SIPA1L1: variants seen among roughly 807,000 people sequenced by gnomAD.
SIPA1L1 encodes the protein signal induced proliferation associated 1 like 1.
In SIPA1L1, 26 loss-of-function variants were observed where a neutral mutation model predicts 162.7. The ratio of observed to expected loss-of-function variants is 0.16; its 90% confidence interval spans 0.12 to 0.22. SIPA1L1 has a LOEUF of 0.22. Among genes scored for constraint, SIPA1L1 ranks in the 10% least tolerant of loss-of-function variants. The probability of loss-of-function intolerance (pLI) is 1.00; values close to 1 mark genes in which losing one functional copy is unlikely to be tolerated. For synonymous variants in SIPA1L1, 829 were observed against 837.4 expected (o/e 0.99, Z 0.17); for missense variants, 1,874 against 2,241.0 (o/e 0.84, Z 3.31).
chr14:71,407,773 C>T (rs2042129100), intron 2 of SIPA1L1, among the ~76,000 whole-genome samples: 1 of 152,090 alleles, frequency 6.6e-6, no homozygotes, highest in Admixed American at 6.6e-5. Context: ...TATACTGTAG[C>T]ATTTTCTTTG....
chr14:71,669,999 C>T (rs1179346630), intron 10 of SIPA1L1, among the ~76,000 whole-genome samples: 1 of 152,140 alleles, frequency 6.6e-6, no homozygotes, highest in African/African-American at 2.4e-5. Context: ...TTGAAAGATG[C>T]ATACTCTCTG....
chr14:71,590,034 A>AT (rs2035104261), intron 5 of SIPA1L1, among the ~76,000 whole-genome samples: 9 of 72,694 alleles, frequency 1.2e-4, no homozygotes, highest in Admixed American at 1.5e-4. Flanking sequence ...AAAAAAAAAA[A>AT]AAAAAAAAAA....
At chr14:71,716,661 G>T (rs1041672961) in intron 17 of SIPA1L1, among the ~76,000 whole-genome samples, 1 of 152,210 alleles carries the variant, frequency 6.6e-6, no homozygotes, top group Non-Finnish European at 1.5e-5. Context: ...TCCCAATCCT[G>T]TGTGGCTCAT....
intron 2 of SIPA1L1, among the ~76,000 whole-genome samples, chr14:71,448,232 G>C (rs776596864): frequency 2.0e-5 from 3 of 151,948 alleles, no homozygotes; most frequent in Non-Finnish European, 4.4e-5. Flanking sequence ...TCGCTTTCTT[G>C]GTTGTCTTTC....
chr14:71,671,839 A>G, intron 11 of SIPA1L1, 147 bp downstream of exon 11: 1 of 630,098 alleles, frequency 1.6e-6, no homozygotes, highest in Non-Finnish European at 2.7e-6. Context: ...AGTTTATCTC[A>G]TGCTTGTGTT....
At chr14:71,617,238 C>G (rs1567321464) in intron 5 of SIPA1L1, among the ~76,000 whole-genome samples, 1 of 152,178 alleles carries the variant, frequency 6.6e-6, no homozygotes, top group Non-Finnish European at 1.5e-5. Flanking sequence ...GCATGCAAGT[C>G]TGTATCAGCC....
intron 2 of SIPA1L1, among the ~76,000 whole-genome samples, chr14:71,510,399 G>A (rs1408729735): frequency 6.6e-6 from 1 of 151,934 alleles, no homozygotes; most frequent in Non-Finnish European, 1.5e-5. Context: ...TGTTGGCTGG[G>A]CTGGTCTCAA....
At chr14:71,633,881 G>C (rs2040847121) in intron 7 of SIPA1L1, among the ~76,000 whole-genome samples, 2 of 152,122 alleles carry the variant, frequency 1.3e-5, no homozygotes, top group African/African-American at 2.4e-5. Flanking sequence ...GGAAGAAGAG[G>C]AGAAAGATGG....
chr14:71,469,495 T>TA (rs201503142), intron 2 of SIPA1L1, among the ~76,000 whole-genome samples: 49 of 151,108 alleles, frequency 3.2e-4, no homozygotes, highest in South Asian at 1.7e-3. Flanking sequence ...GTGCAAAAAA[T>TA]AAAAAAAAAT....
intron 2 of SIPA1L1, among the ~76,000 whole-genome samples, chr14:71,499,800 G>A (rs2143446056): frequency 6.6e-6 from 1 of 152,170 alleles, no homozygotes; most frequent in South Asian, 2.1e-4. Context: ...TGATATTAAA[G>A]CAAAACCTGT....
At chr14:71,548,146 A>G (rs1256358013) in intron 4 of SIPA1L1, among the ~76,000 whole-genome samples, 1 of 152,244 alleles carries the variant, frequency 6.6e-6, no homozygotes. Flanking sequence ...TTTCATTGGA[A>G]TGAAGGTGAA....
At chr14:71,456,678 G>A (rs2046212122) in intron 2 of SIPA1L1, among the ~76,000 whole-genome samples, 1 of 152,156 alleles carries the variant, frequency 6.6e-6, no homozygotes, top group Non-Finnish European at 1.5e-5. Flanking sequence ...TCTAAAGTGT[G>A]TTATATATTA....
intron 2 of SIPA1L1, among the ~76,000 whole-genome samples, chr14:71,379,962 A>G (rs2039756884): frequency 6.6e-6 from 1 of 152,312 alleles, no homozygotes; most frequent in Non-Finnish European, 1.5e-5. Context: ...TATTATTGCC[A>G]TATTCTTTCA....
At chr14:71,726,461 T>C (rs1171012335) in intron 19 of SIPA1L1, among the ~76,000 whole-genome samples, 4 of 152,234 alleles carry the variant, frequency 2.6e-5, no homozygotes, top group Non-Finnish European at 5.9e-5. Flanking sequence ...ACTCCTAGTT[T>C]AACATTTTTG....
Position 71,685,343 on chromosome 14 carries a change from T to C in SIPA1L1, c.3105-19T>C. 6.2e-7 allele frequency: 1 copy of C among 1,612,568 alleles called. No homozygotes were observed. The highest frequency in any genetic ancestry group is 1.1e-5 in the South Asian group (1 of 90,916). ...AAGCAGTATCCATTGTGTTTCTCCCTGTGCCTTGCCCCTAATAGGAGTTGC... is the reference window on the plus strand; with the variant it reads ...AAGCAGTATCCATTGTGTTTCTCCCCGTGCCTTGCCCCTAATAGGAGTTGC... On this transcript the variant is annotated intron_variant, in intron 12 of 23. Coordinates refer to ENST00000381232, the MANE Select transcript of SIPA1L1 (RefSeq NM_001386936.1).
chr14:71,357,454 G>T (rs2037383317), intron 2 of SIPA1L1, among the ~76,000 whole-genome samples: 1 of 152,212 alleles, frequency 6.6e-6, no homozygotes, highest in African/African-American at 2.4e-5. Flanking sequence ...CTCTAGGAAA[G>T]CACAGGTTTC....
chr14:71,583,538 A>G (rs981144568), intron 4 of SIPA1L1, among the ~76,000 whole-genome samples: 1 of 152,126 alleles, frequency 6.6e-6, no homozygotes, highest in Non-Finnish European at 1.5e-5. Flanking sequence ...CAGGAACTGT[A>G]GTGTTCCCCC....
At chr14:71,601,858 A>G (rs1410974799) in intron 5 of SIPA1L1, among the ~76,000 whole-genome samples, 2 of 151,210 alleles carry the variant, frequency 1.3e-5, no homozygotes, top group African/African-American at 4.9e-5. Context: ...TACGTTTTTT[A>G]GTTTGTTAGT....
At chr14:71,450,779 A>T (rs1303936281) in intron 2 of SIPA1L1, among the ~76,000 whole-genome samples, 3 of 152,210 alleles carry the variant, frequency 2.0e-5, no homozygotes, top group African/African-American at 7.2e-5. Flanking sequence ...ATGGGGGAAA[A>T]GGGAACCCTT....
Sources: gnomAD v4.1 joint callset for allele counts (sites outside exome capture counted in the v4.1 genomes callset) on GRCh38, gnomAD v4.1.1 for gene constraint, MANE v1.5 for transcripts, NCBI Gene and HGNC (gene_info 2026-07-23, HGNC 2026-07-21) for gene names.